STRBP: variants seen among roughly 807,000 people sequenced by gnomAD.
STRBP encodes the protein spermatid perinuclear RNA-binding protein.
STRBP carries 13 observed loss-of-function variants against 80.1 expected under a neutral mutation model. The ratio of observed to expected loss-of-function variants is 0.16; its 90% CI spans 0.11 to 0.26. The LOEUF is 0.26. Among genes scored for constraint, STRBP ranks in the 10% least tolerant of loss-of-function variants. The probability of loss-of-function intolerance (pLI) is 1.00; values close to 1 mark genes in which losing one functional copy is unlikely to be tolerated. For missense variants in STRBP, 485 were observed against 815.2 expected, an observed-to-expected ratio of 0.59 and a Z score of 4.93; for synonymous variants, 284 against 291.2, an observed-to-expected ratio of 0.98 and a Z score of 0.25.
intron 1 of STRBP, among the ~76,000 whole-genome samples, chr9:123,239,467 C>CA (rs1715219497): frequency 6.6e-6 from 1 of 152,142 alleles, no homozygotes; most frequent in South Asian, 2.1e-4. Flanking sequence ...GACTCACTGC[C>CA]AAAACAAAGG....
chr9:123,141,973 C>T (rs771963897), intron 13 of STRBP, among the ~76,000 whole-genome samples: 1 of 152,134 alleles, frequency 6.6e-6, no homozygotes, highest in Non-Finnish European at 1.5e-5. Context: ...TCATCAAGGC[C>T]CCATCCTTTG....
intron 1 of STRBP, among the ~76,000 whole-genome samples, chr9:123,238,685 A>G (rs757034586): frequency 3.0e-4 from 45 of 152,348 alleles, no homozygotes; most frequent in Middle Eastern, 6.8e-3. Flanking sequence ...GATTCAAATA[A>G]GCTAAAGATG....
chr9:123,233,540 G>C (rs547996710), intron 2 of STRBP, among the ~76,000 whole-genome samples: 5 of 152,230 alleles, frequency 3.3e-5, no homozygotes, highest in African/African-American at 1.2e-4. Flanking sequence ...GGAGTGAATA[G>C]ATGCATAGAT....
chr9:123,204,594 A>T (rs2039445417), intron 2 of STRBP, among the ~76,000 whole-genome samples: 1 of 152,190 alleles, frequency 6.6e-6, no homozygotes, highest in African/African-American at 2.4e-5. Context: ...GACTAAAAGG[A>T]AAAAGGGGTA....
chr9:123,264,891 CT>C (rs2041236044), intron 1 of STRBP, among the ~76,000 whole-genome samples: 1 of 152,084 alleles, frequency 6.6e-6, no homozygotes, highest in Non-Finnish European at 1.5e-5. Flanking sequence ...ACACAATGGA[CT>C]TAAGAAATAT....
At chr9:123,120,794 A>G (rs1176618414), downstream of STRBP, among the ~76,000 whole-genome samples, 1 of 152,218 alleles carries the variant, frequency 6.6e-6, no homozygotes, top group African/African-American at 2.4e-5. Flanking sequence ...AACATAAACC[A>G]GAGTAGGTTT....
chr9:123,115,827 C>T lies in STRBP; in HGVS notation c.*84+102G>A, dbSNP rs1380053475. On this transcript the variant is annotated intron_variant and NMD_transcript_variant, in intron 3 of 3. Coordinates refer to the STRBP transcript ENST00000471564. This position sits in a 1 kb window ranked among gnomAD's most constrained non-coding sequence, Gnocchi z 5.0. ...TCTCTCAAGGCTGCGTCTGTCATCG[C>T]GGGAGGTGTATTTTAGCTCAAATTG... 6.2e-5 allele frequency: 22 copies of T among 354,862 alleles called. No homozygotes were observed. In the East Asian group the frequency reaches 1.0e-3, roughly 17 times the overall value. The allele number at this position is 354,862 out of a possible 1,614,324, so 22.0% of individuals were successfully genotyped here.
chr9:123,193,320 A>G (rs1588078188), intron 2 of STRBP, among the ~76,000 whole-genome samples: 1 of 152,274 alleles, frequency 6.6e-6, no homozygotes, highest in African/African-American at 2.4e-5. Context: ...TAACCACAGA[A>G]TCTAAGGAGG....
At chr9:123,265,053 T>C (rs1320800391) in intron 1 of STRBP, among the ~76,000 whole-genome samples, 1 of 152,096 alleles carries the variant, frequency 6.6e-6, no homozygotes, top group African/African-American at 2.4e-5. Context: ...CTCAAAATAC[T>C]CAGAGTTTCA....
Position 123,132,956 on chromosome 9 carries a change from C to T in STRBP, c.1786G>A (p.Val596Met). The T allele has an allele frequency of 6.2e-7, 1 of 1,613,720 alleles. No homozygotes were observed. Among genetic ancestry groups the T allele is most frequent in the Non-Finnish European group, 8.5e-7 (1 of 1,179,822 alleles). ...ACTGCTGCAGACACAGCTGTATTCA[C>T]AACGCCCTTTGCCTGTTAAAATAAC... is the stretch of plus-strand genomic sequence containing the variant. ...KKIIPQAKGV[V>M]NTAVSAAVQA... Residue 596 changes from valine (V) to methionine (M), a missense_variant, in exon 17 of 19, where the codon GTG becomes ATG. This residue lies in a region of STRBP where 85 missense variants were observed against 120.1 expected (regional missense o/e 0.71). Transcript: ENST00000348403.
intron 1 of STRBP, among the ~76,000 whole-genome samples, chr9:123,258,881 T>A (rs1185003485): frequency 6.6e-6 from 1 of 150,648 alleles, no homozygotes; most frequent in Non-Finnish European, 1.5e-5. Context: ...TAAGAGATGA[T>A]GAGGTCAGAC....
chr9:123,234,898 C>T (rs1355918566), intron 2 of STRBP, among the ~76,000 whole-genome samples: 2 of 150,484 alleles, frequency 1.3e-5, no homozygotes, highest in South Asian at 2.1e-4. Context: ...AGGCAGAGGT[C>T]GCAGTCAGCT....
rs2036629845 is a variant in STRBP at position 123,142,480 on chromosome 9, A to G, written c.1339-2793T>C. Among the ~76,000 whole-genome samples the G allele has an allele frequency of 2.0e-5, 3 of 152,192 alleles. No homozygotes were observed. The South Asian group carries it at 6.2e-4, about 32-fold the overall frequency. ...CCAGTCTCAGGTACTTCTTTATAGC[A>G]GTGCAAGAATGGACTAATACGTCCA... is the stretch of plus-strand genomic sequence containing the variant. On this transcript the variant is annotated intron_variant, in intron 13 of 18. Coordinates refer to ENST00000348403, the MANE Select transcript of STRBP (RefSeq NM_018387.5).
intron 1 of STRBP, among the ~76,000 whole-genome samples, chr9:123,238,194 T>A (rs985269983): frequency 8.5e-5 from 13 of 152,224 alleles, no homozygotes; most frequent in African/African-American, 3.1e-4. Flanking sequence ...ACGCCAGTAA[T>A]CCCAGCACTT....
intron 1 of STRBP, among the ~76,000 whole-genome samples, chr9:123,243,987 C>G (rs1483740457): frequency 6.6e-6 from 1 of 152,172 alleles, no homozygotes; most frequent in Admixed American, 6.5e-5. Flanking sequence ...TATAGCAGTT[C>G]TGTTCATAAT....
intron 11 of STRBP, among the ~76,000 whole-genome samples, chr9:123,152,749 G>A (rs970937536): frequency 5.3e-5 from 8 of 151,968 alleles, no homozygotes; most frequent in Non-Finnish European, 1.0e-4. Flanking sequence ...AGGCGGGTAC[G>A]ACTATAAAGG....
At chr9:123,111,302 G>T (rs1358593931) in intron 3 of STRBP, 2 of 251,104 alleles carry the variant, frequency 8.0e-6, no homozygotes, top group East Asian at 3.4e-4. Flanking sequence ...CAGAACAGAG[G>T]AAAGAGGCTG....
intron 1 of STRBP, among the ~76,000 whole-genome samples, chr9:123,251,288 T>C (rs1463371966): frequency 1.3e-5 from 2 of 152,164 alleles, no homozygotes; most frequent in Non-Finnish European, 2.9e-5. Context: ...CGGACGGCAC[T>C]TACTGAGCCC....
At chr9:123,143,119 A>G (rs1490241511) in intron 13 of STRBP, among the ~76,000 whole-genome samples, 2 of 152,242 alleles carry the variant, frequency 1.3e-5, no homozygotes, top group Non-Finnish European at 2.9e-5. Flanking sequence ...TGGCTTCTGT[A>G]TAATAGAGAT....
Sources: allele counts gnomAD v4.1 joint callset (sites outside exome capture counted in the v4.1 genomes callset), GRCh38; gene constraint gnomAD v4.1.1; regional missense constraint gnomAD v4.1.1; non-coding constraint Gnocchi (gnomAD v3.1); transcripts MANE v1.5; gene names NCBI Gene and HGNC (gene_info 2026-07-23, HGNC 2026-07-21).